MAGEB10: variants seen among roughly 807,000 people sequenced by gnomAD.
MAGEB10 encodes the protein melanoma-associated antigen B10.
For synonymous variants in MAGEB10, 99 were observed against 101.0 expected (o/e 0.98, Z 0.12); for missense variants, 190 against 261.9 (o/e 0.73, Z 1.89).
At chrX:27,809,109 G>A (rs1039596640) in intron 1 of MAGEB10, among the ~76,000 whole-genome samples, 8 of 112,042 alleles carry the variant, frequency 7.1e-5, no homozygotes, top group African/African-American at 2.3e-4. Flanking sequence ...GGCCGGAGCC[G>A]GCTCTCTCAG....
In MAGEB10 at chrX:27,822,603, G is replaced by A. The variant is rs1000211395; in HGVS notation, c.*253G>A. ...GAGTAAGCGATTTATTGCTTTATAA[G>A]TCTAATTGGGAAACTCTCCATTTAT... On this transcript the variant is annotated 3_prime_UTR_variant, in exon 3 of 3. Transcript: ENST00000356790. 5.7e-6 allele frequency: 2 copies of A among 350,537 alleles called. No homozygotes were observed. The highest frequency in any genetic ancestry group is 1.0e-5 in the Non-Finnish European group (2 of 197,410). The allele number at this position is 350,537 out of a possible 1,213,427, so 28.9% of individuals were successfully genotyped here. A position where few individuals can be genotyped will look rare whatever the true frequency, so the allele number is the denominator to read the frequency against.
chrX:27,814,519 C>A (rs1569212100), intron 1 of MAGEB10, among the ~76,000 whole-genome samples: 1 of 111,857 alleles, frequency 8.9e-6, no homozygotes, highest in Admixed American at 9.5e-5. Flanking sequence ...GATTTGTGTG[C>A]TGTATCATAG....
intron 2 of MAGEB10, among the ~76,000 whole-genome samples, chrX:27,820,029 T>G (rs183638914): frequency 9.1e-6 from 1 of 109,787 alleles, no homozygotes; most frequent in Non-Finnish European, 1.9e-5. Flanking sequence ...ATTCCCTCTT[T>G]GGAAATTCAA....
intron 1 of MAGEB10, among the ~76,000 whole-genome samples, chrX:27,816,741 ATGT>A (rs1322401910): frequency 8.9e-6 from 1 of 112,067 alleles, no homozygotes; most frequent in Non-Finnish European, 1.9e-5. Flanking sequence ...ACACTAGAAA[ATGT>A]TGTTGTTTAG....
At chrX:27,814,465 A>G (rs1923745787) in intron 1 of MAGEB10, among the ~76,000 whole-genome samples, 1 of 111,839 alleles carries the variant, frequency 8.9e-6, no homozygotes, top group Admixed American at 9.5e-5. Flanking sequence ...TCAAATTTGC[A>G]AAGTAAATAA....
Position 27,822,492 on chromosome X carries a change from G to T in MAGEB10, c.*142G>T, listed in dbSNP as rs1352637600. On this transcript the variant is annotated 3_prime_UTR_variant, in exon 3 of 3. Transcript: ENST00000356790. The stretch of plus-strand genomic sequence containing the variant: ...GTGATGGCTTGGAATTTTTGAAGAT[G>T]TTGTTCCTTTAATAGATGGTTAAAG... 3.5e-6 allele frequency: 2 copies of T among 577,244 alleles called. No homozygotes were observed. Among genetic ancestry groups the T allele is most frequent in the East Asian group, 7.3e-5 (2 of 27,323 alleles). The allele number at this position is 577,244 out of a possible 1,213,427, so 47.6% of individuals were successfully genotyped here. A position where few individuals can be genotyped will look rare whatever the true frequency, so the allele number is the denominator to read the frequency against.
intron 1 of MAGEB10, among the ~76,000 whole-genome samples, chrX:27,810,173 T>C (rs1300570785): frequency 2.7e-5 from 3 of 111,556 alleles, no homozygotes; most frequent in Non-Finnish European, 5.7e-5. Context: ...GGAAGCTTTG[T>C]TCTTTCACTC....
At position 27,821,795 on chromosome X, in the gene MAGEB10, C is replaced by A. The variant is rs1923894482; in HGVS notation, c.489C>A (p.Ile163=). The A allele has an allele frequency of 2.5e-6, 3 of 1,210,032 alleles. No individual in the cohort carries two copies. In the Admixed American group the frequency reaches 6.6e-5, roughly 26 times the overall value. The change falls in exon 3 of 3, where the codon ATC becomes ATA. Residue 163 remains isoleucine, a synonymous_variant. Transcript: ENST00000356790. ...GAGCTTCTGAGCACCTGGAGCTGAT[C>A]TTTGGTCTTGACCTGAAGGAAGTGG... ...LSRASEHLEL[I]FGLDLKEVEP...
intron 2 of MAGEB10, among the ~76,000 whole-genome samples, chrX:27,821,053 G>T (rs1226802521): frequency 9.0e-6 from 1 of 111,657 alleles, no homozygotes; most frequent in African/African-American, 3.3e-5. Flanking sequence ...CACCCAGTAA[G>T]CCCCAGGCAG....
chrX:27,821,320 A>G lies in MAGEB10; in HGVS notation c.14A>G (p.Gln5Arg), dbSNP rs1569213101. The part of the protein sequence containing the change: MPRG[Q>R]KSKLRAREKR... Reference sequence around the variant, plus strand: ...AACAGAGTCATCATGCCTCGAGGTCAGAAGAGTAAACTCCGTGCCAGGGAA... The same window carrying G: ...AACAGAGTCATCATGCCTCGAGGTCGGAAGAGTAAACTCCGTGCCAGGGAA... The change falls in exon 3 of 3, where the codon CAG (glutamine) becomes CGG (arginine). Residue 5 changes from glutamine to arginine, a missense_variant. By Grantham distance (43) the Gln-to-Arg change is conservative. Coordinates refer to ENST00000356790, the MANE Select transcript of MAGEB10 (RefSeq NM_182506.3). 8 of 1,209,725 alleles carry G rather than the reference A, an allele frequency of 6.6e-6. No homozygotes were observed. Among genetic ancestry groups the G allele is most frequent in the South Asian group, 3.5e-5 (2 of 56,893 alleles).
intron 1 of MAGEB10, among the ~76,000 whole-genome samples, chrX:27,808,386 G>T (rs1923587812): frequency 8.9e-6 from 1 of 112,369 alleles, no homozygotes; most frequent in Admixed American, 9.3e-5. Flanking sequence ...GCCACAGAAA[G>T]TCACGCCACA....
At chrX:27,820,908 G>T (rs1423134900) in intron 2 of MAGEB10, among the ~76,000 whole-genome samples, 1 of 110,753 alleles carries the variant, frequency 9.0e-6, no homozygotes, top group Non-Finnish European at 1.9e-5. Flanking sequence ...TGAAATGAGG[G>T]GTCAGTAGAG....
At chrX:27,813,296 A>C (rs1376155457) in intron 1 of MAGEB10, among the ~76,000 whole-genome samples, 1 of 112,144 alleles carries the variant, frequency 8.9e-6, no homozygotes, top group African/African-American at 3.3e-5. Flanking sequence ...ATAGAGGTAA[A>C]ATGTAAAAGA....
intron 2 of MAGEB10, among the ~76,000 whole-genome samples, chrX:27,818,293 T>C (rs1569212700): frequency 9.0e-6 from 1 of 111,174 alleles, no homozygotes; most frequent in Non-Finnish European, 1.9e-5. Flanking sequence ...AGAGCTGTCT[T>C]GATGCCTATA....
chrX:27,812,159 G>T (rs1034788308), intron 1 of MAGEB10: 1 of 118,506 alleles, frequency 8.4e-6, no homozygotes, highest in East Asian at 2.7e-4. Flanking sequence ...TTGAGGAAAG[G>T]TCAAATGCCT....
At chrX:27,813,169 AAAAT>A (rs1434224501) in intron 1 of MAGEB10, among the ~76,000 whole-genome samples, 2 of 112,307 alleles carry the variant, frequency 1.8e-5, no homozygotes, top group Admixed American at 1.9e-4. Flanking sequence ...TTTATAGAAA[AAAAT>A]GGGAAAATTT....
chrX:27,814,739 C>A (rs1469167399), intron 1 of MAGEB10, among the ~76,000 whole-genome samples: 1 of 111,850 alleles, frequency 8.9e-6, no homozygotes, highest in African/African-American at 3.3e-5. Flanking sequence ...AAAGCCTGAG[C>A]CTCATAGAGC....
chrX:27,820,484 G>A (rs1463784495), intron 2 of MAGEB10, among the ~76,000 whole-genome samples: 2 of 110,624 alleles, frequency 1.8e-5, no homozygotes, highest in Non-Finnish European at 3.8e-5. Context: ...CTGGTCAGCA[G>A]AGAAGGAGTC....
Position 27,822,581 on chromosome X carries a change from T to A in MAGEB10, c.*231T>A, listed in dbSNP as rs1020477448. On this transcript the variant is annotated 3_prime_UTR_variant, in exon 3 of 3. Transcript: ENST00000356790. ...ATTTTTCTGTATGTGAGATTAAGAG[T>A]AAGCGATTTATTGCTTTATAAGTCT... 1 of 377,768 alleles carries A rather than the reference T, an allele frequency of 2.6e-6. No individual in the cohort carries two copies. The highest frequency in any genetic ancestry group is 4.7e-6 in the Non-Finnish European group (1 of 214,439). 31.1% of individuals were successfully genotyped at this position (377,768 alleles called of 1,213,427 possible).
Sources: gnomAD v4.1 joint callset for allele counts (sites outside exome capture counted in the v4.1 genomes callset) on GRCh38, gnomAD v4.1.1 for gene constraint, MANE v1.5 for transcripts, NCBI Gene and HGNC (gene_info 2026-07-23, HGNC 2026-07-21) for gene names.